Variants in POLE observed in about 807,000 individuals in gnomAD.
POLE encodes the protein DNA polymerase epsilon catalytic subunit A.
Under a neutral mutation model 279.2 loss-of-function variants are expected in POLE, and 188 were observed. The ratio of observed to expected loss-of-function variants is 0.67; its 90% confidence interval spans 0.60 to 0.76. The LOEUF is 0.76. Among genes scored for constraint, POLE ranks in the 30% least tolerant of loss-of-function variants. The pLI, the probability that POLE is intolerant of heterozygous loss-of-function variation, is 0.00. For synonymous variants in POLE, 1,214 were observed against 1,172.5 expected (o/e 1.04, Z -0.72); for missense variants, 2,703 against 3,016.7 (o/e 0.90, Z 2.44).
rs996029575 is a variant in POLE, at chr12:132,672,522, G to C, written c.1686+105C>G. On this transcript the variant is annotated intron_variant, in intron 15 of 48. Coordinates refer to ENST00000320574, the MANE Select transcript of POLE (RefSeq NM_006231.4). ...GAGAAGCCACACCCGGTGAGGGGCC[G>C]TGGGACAGGATGGGGAGAAGGGGCT... is the stretch of plus-strand genomic sequence containing the variant. The C allele has an allele frequency of 3.1e-6, 4 of 1,283,648 alleles. No homozygotes were observed. In the African/African-American group the frequency reaches 5.8e-5, roughly 19 times the overall value. 79.5% of individuals were successfully genotyped at this position (1,283,648 alleles called of 1,614,324 possible).
In POLE at chr12:132,624,451, C is replaced by G; in HGVS notation, c.*246G>C. 5.2e-6 allele frequency: 3 copies of G among 573,194 alleles called. No individual in the cohort carries two copies. The highest frequency in any genetic ancestry group is 9.4e-6 in the Non-Finnish European group (3 of 320,360). 35.5% of individuals were successfully genotyped at this position (573,194 alleles called of 1,614,324 possible). On this transcript the variant is annotated 3_prime_UTR_variant, in exon 49 of 49. Transcript: ENST00000320574. ...AAACGGCGCCCAGGGCACTCGCAGC[C>G]TCGCTCACGGCCTGCTTCTTCAGGT...
chr12:132,659,176 C>G (rs2042620230), intron 26 of POLE, 119 bp downstream of exon 26: 4 of 1,035,982 alleles, frequency 3.9e-6, no homozygotes, highest in South Asian at 3.2e-5. Flanking sequence ...CTCTCCGTGA[C>G]AGGGCAGCCC....
Position 132,675,921 on chromosome 12 carries a change from C to A in POLE, c.1021-101G>T. 1 of 1,055,018 alleles carries A rather than the reference C, an allele frequency of 9.5e-7. No homozygotes were observed. Among genetic ancestry groups the A allele is most frequent in the Non-Finnish European group, 1.5e-6 (1 of 686,372 alleles). 65.4% of individuals were successfully genotyped at this position (1,055,018 alleles called of 1,614,324 possible). ...CAGAAGCAGCAGCCTCATGTTGGCC[C>A]TTATTCCTGCCCCGCCCCTCCGCCC... On this transcript the variant is annotated intron_variant, in intron 10 of 48. Transcript: ENST00000320574. This position sits in a 1 kb window ranked among gnomAD's most constrained non-coding sequence, Gnocchi z 4.3.
chr12:132,672,896 G>A, intron 14 of POLE, 57 bp from the exon 15 acceptor site: 1 of 1,494,344 alleles, frequency 6.7e-7, no homozygotes, highest in Non-Finnish European at 9.2e-7. Context: ...CTGACTTGCA[G>A]GCAAAGTCCA....
In POLE at chr12:132,664,875, T is replaced by A. The variant is rs1280088629; in HGVS notation, c.2469-413A>T. Among the ~76,000 whole-genome samples, 3 of 151,944 alleles carry A rather than the reference T, an allele frequency of 2.0e-5. No individual in the cohort carries two copies. In the East Asian group the frequency reaches 5.8e-4, roughly 29 times the overall value. ...CCTCCAGCCTGGGTCCCAGCCCTGC[T>A]GTCAGCTGTCCCACCCTCCCCTCCC... On this transcript the variant is annotated intron_variant, in intron 21 of 48. Transcript: ENST00000320574. This position sits in a 1 kb window ranked among gnomAD's most constrained non-coding sequence, Gnocchi z 5.3.
rs5744768 is a variant in POLE at position 132,674,167 on chromosome 12, A to T, written c.1227-460T>A. 1.8e-3 allele frequency among the ~76,000 whole-genome samples: 274 copies of T among 149,258 alleles called. 2 individuals are homozygous for T. The highest frequency in any genetic ancestry group is 6.6e-3 in the African/African-American group (262 of 39,862). On this transcript the variant is annotated intron_variant, in intron 12 of 48. Transcript: ENST00000320574. ...CAGATGCCAAGAAGAATAAAAATTTAAAAAATAAATAAAAAATAAAAATTA... is the reference window on the plus strand; with the variant it reads ...CAGATGCCAAGAAGAATAAAAATTTTAAAAATAAATAAAAAATAAAAATTA...
Position 132,632,449 on chromosome 12 carries a change from T to C in POLE, c.6196A>G (p.Ile2066Val), listed in dbSNP as rs1266801207. The C allele has an allele frequency of 3.1e-6, 5 of 1,613,850 alleles. No homozygotes were observed. The highest frequency in any genetic ancestry group is 2.5e-6 in the Non-Finnish European group (3 of 1,179,896). ...ANELTQSFFT[I>V]TQKIQKKVTG... Reference sequence around the variant, plus strand: ...ACTTTCTTCTGAATCTTCTGAGTGATGGTGAAGAAGCTCTGAGTGAGCTCA... The same window carrying C: ...ACTTTCTTCTGAATCTTCTGAGTGACGGTGAAGAAGCTCTGAGTGAGCTCA... The change falls in exon 45 of 49, where the codon ATC becomes GTC. Residue 2066 changes from isoleucine to valine, a missense_variant. By Grantham distance (29) the Ile-to-Val change is conservative. Around this residue, in one of 5 missense-constraint regions of POLE, gnomAD observed 1,551 missense variants for 1,686.1 expected, o/e 0.92. Coordinates refer to ENST00000320574, the MANE Select transcript of POLE (RefSeq NM_006231.4).
chr12:132,662,152 C>A (rs1310602497), intron 23 of POLE, among the ~76,000 whole-genome samples: 1 of 152,170 alleles, frequency 6.6e-6, no homozygotes, highest in Admixed American at 6.5e-5. Flanking sequence ...GTGCTGGGAT[C>A]CCAAGAGGGG....
At chr12:132,628,122 T>C (rs937151099) in intron 45 of POLE, among the ~76,000 whole-genome samples, 2 of 152,054 alleles carry the variant, frequency 1.3e-5, no homozygotes, top group Non-Finnish European at 2.9e-5. Flanking sequence ...GGTGGGCAGA[T>C]CACAAGGTCA....
intron 45 of POLE, 67 bp downstream of exon 45, chr12:132,632,247 AC>A: frequency 7.8e-7 from 1 of 1,290,090 alleles, no homozygotes; most frequent in South Asian, 1.3e-5. Flanking sequence ...CACCTTGCAC[AC>A]AGTAACATTC....
intron 25 of POLE, 62 bp from the exon 26 acceptor site, chr12:132,659,571 G>T: frequency 7.1e-7 from 1 of 1,413,812 alleles, no homozygotes; most frequent in Non-Finnish European, 9.9e-7. Flanking sequence ...AGCTCACCCT[G>T]GACTGTGCTC....
Position 132,668,408 on chromosome 12 carries a change from A to G in POLE, c.2121T>C (p.Phe707=), listed in dbSNP as rs2135975126. The G allele has an allele frequency of 1.2e-6, 2 of 1,611,944 alleles. No homozygotes were observed. Among genetic ancestry groups the G allele is most frequent in the Non-Finnish European group, 8.5e-7 (1 of 1,178,978 alleles). ...CCTGTTCCTCGCGGGACAGTTCATG[A>G]AAGGCCCGAGCTGGCCCCTCTGGGA... is the stretch of plus-strand genomic sequence containing the variant. ...PLFPEGPARA[F]HELSREEQAK... is the part of the protein sequence containing the mutation. The change falls in exon 19 of 49, where the codon TTT becomes TTC. Residue 707 remains phenylalanine, a synonymous_variant. Transcript: ENST00000320574. This position sits in a 1 kb window ranked among gnomAD's most constrained non-coding sequence, Gnocchi z 4.0.
At position 132,634,410 on chromosome 12, in the gene POLE, G is replaced by A. The variant is rs2041995802; in HGVS notation, c.5812-32C>T. On this transcript the variant is annotated intron_variant, in intron 42 of 48. Transcript: ENST00000320574. This position sits in a 1 kb window ranked among gnomAD's most constrained non-coding sequence, Gnocchi z 4.0. ...CACATGAGACAACGCGGCTGTGTTT[G>A]CACCATCGCGGCCTGGTAGAGGGGT... 1 of 1,592,342 alleles carries A rather than the reference G, an allele frequency of 6.3e-7. No homozygotes were observed. The highest frequency in any genetic ancestry group is 1.7e-5 in the Admixed American group (1 of 59,364).
chr12:132,670,407 G>C (rs184517667), intron 16 of POLE, among the ~76,000 whole-genome samples: 6 of 151,028 alleles, frequency 4.0e-5, no homozygotes, highest in African/African-American at 1.5e-4. Flanking sequence ...ACCACGCCTG[G>C]GTAATTTTTT....
intron 39 of POLE, 114 bp downstream of exon 39, chr12:132,641,533 C>T: frequency 1.2e-6 from 1 of 842,706 alleles, no homozygotes; most frequent in Middle Eastern, 2.4e-4. Flanking sequence ...TCTGGCTCTG[C>T]CATTAAGACT....
intron 1 of POLE, among the ~76,000 whole-genome samples, chr12:132,683,917 TATATCACACC>T (rs2043219349): frequency 1.3e-5 from 2 of 152,154 alleles, no homozygotes; most frequent in Admixed American, 6.5e-5. Context: ...GACTGGTTAC[TATATCACACC>T]GTCCCAGTAC....
chr12:132,657,248 G>A lies in POLE; in HGVS notation c.3470C>T (p.Pro1157Leu), dbSNP rs746586877. ...IPAALQQVKN[P>L]VPRVKHPDWL... ...GTCGGGGTGTTTGACACGTGGCACT[G>A]GGTTCTTTACCTGTGTGAGGCCAAC... The change falls in exon 29 of 49, where the codon CCA becomes CTA. Residue 1157 changes from proline to leucine, a missense_variant. Around this residue, in one of 5 missense-constraint regions of POLE, gnomAD observed 1,551 missense variants for 1,686.1 expected, o/e 0.92. Transcript: ENST00000320574. 6.2e-7 allele frequency: 1 copy of A among 1,614,018 alleles called. No homozygotes were observed. The highest frequency in any genetic ancestry group is 1.7e-5 in the Admixed American group (1 of 60,006).
Position 132,649,080 on chromosome 12 carries a change from G to A in POLE, c.4006-8C>T. 6.2e-7 allele frequency: 1 copy of A among 1,609,902 alleles called. No homozygotes were observed. On this transcript the variant is annotated splice_region_variant and splice_polypyrimidine_tract_variant and intron_variant, in intron 31 of 48. Coordinates refer to ENST00000320574, the MANE Select transcript of POLE (RefSeq NM_006231.4). ...CTGGCTGGTCTCGCTGATCTGAAAG[G>A]CCACACGGACATACAGCACATCACA...
intron 23 of POLE, among the ~76,000 whole-genome samples, chr12:132,663,054 G>A (rs2042714182): frequency 6.6e-6 from 1 of 152,228 alleles, no homozygotes; most frequent in Non-Finnish European, 1.5e-5. Flanking sequence ...CGGCCCACCA[G>A]CAAACACAGC....
Sources: gnomAD v4.1 joint callset for allele counts (sites outside exome capture counted in the v4.1 genomes callset) on GRCh38, gnomAD v4.1.1 for gene constraint, gnomAD v4.1.1 regional missense constraint, Gnocchi (gnomAD v3.1) non-coding constraint, MANE v1.5 for transcripts, NCBI Gene and HGNC (gene_info 2026-07-23, HGNC 2026-07-21) for gene names.